Variants in PTPRM observed in about 807,000 individuals in gnomAD.
The protein encoded by PTPRM is protein tyrosine phosphatase receptor type M, also known as receptor-type tyrosine-protein phosphatase mu.
Under a neutral mutation model 186.7 loss-of-function variants are expected in PTPRM, and 47 were observed. The observed-to-expected ratio is 0.25, with a 90% CI of 0.20 to 0.32. The LOEUF (loss-of-function observed/expected upper bound fraction) is 0.32. PTPRM is among the 10% of genes least tolerant of loss of function. PTPRM has a pLI of 1.00. For synonymous variants in PTPRM, 668 were observed against 674.9 expected (o/e 0.99, Z 0.16); for missense variants, 1,494 against 1,865.0 (o/e 0.80, Z 3.66).
At chr18:8,209,386 T>C (rs562224826) in intron 14 of PTPRM, among the ~76,000 whole-genome samples, 1 of 151,988 alleles carries the variant, frequency 6.6e-6, no homozygotes, top group South Asian at 2.1e-4. Context: ...TAGATTGAAG[T>C]GTCAAGAAAA....
chr18:8,081,332 GT>G (rs2090115770), intron 9 of PTPRM, among the ~76,000 whole-genome samples: 1 of 152,168 alleles, frequency 6.6e-6, no homozygotes, highest in South Asian at 2.1e-4. Flanking sequence ...TGAGATCTCA[GT>G]TTGCTTTTGA....
chr18:7,696,073 C>T (rs1004031399), intron 1 of PTPRM, among the ~76,000 whole-genome samples: 1 of 152,054 alleles, frequency 6.6e-6, no homozygotes, highest in Non-Finnish European at 1.5e-5. Flanking sequence ...TTAAGTGTCC[C>T]CAAAGATTGG....
chr18:8,348,155 C>T (rs981952685), intron 23 of PTPRM, among the ~76,000 whole-genome samples: 4 of 152,266 alleles, frequency 2.6e-5, no homozygotes, highest in South Asian at 2.1e-4. Context: ...ACATGTGTAC[C>T]GCACATAGTG....
intron 2 of PTPRM, among the ~76,000 whole-genome samples, chr18:7,843,522 C>T (rs961642027): frequency 6.6e-6 from 1 of 152,148 alleles, no homozygotes. Flanking sequence ...TACTCCCAGA[C>T]TACTAATATA....
chr18:8,181,196 T>A (rs2093568538), intron 14 of PTPRM, among the ~76,000 whole-genome samples: 2 of 152,234 alleles, frequency 1.3e-5, no homozygotes, highest in South Asian at 4.1e-4. Flanking sequence ...GAAAGCTATG[T>A]CAGATGTTTT....
chr18:7,655,839 A>T (rs1360584132), intron 1 of PTPRM, among the ~76,000 whole-genome samples: 9 of 152,182 alleles, frequency 5.9e-5, no homozygotes, highest in Admixed American at 5.2e-4. Flanking sequence ...GAAAAGGCAA[A>T]ACTATGTACA....
At chr18:8,350,044 C>T (rs1052712059) in intron 23 of PTPRM, among the ~76,000 whole-genome samples, 4 of 152,182 alleles carry the variant, frequency 2.6e-5, no homozygotes, top group Non-Finnish European at 4.4e-5. Flanking sequence ...CCTGTCGGGG[C>T]AAATCCTCTA....
chr18:8,377,354 A>G (rs2095703064), intron 26 of PTPRM: 1 of 152,238 alleles, frequency 6.6e-6, no homozygotes. Context: ...CATAAAAATA[A>G]CAGAAACTTT....
chr18:7,849,514 T>G (rs1446226938), intron 2 of PTPRM, among the ~76,000 whole-genome samples: 3 of 152,234 alleles, frequency 2.0e-5, no homozygotes, highest in Non-Finnish European at 1.5e-5. Flanking sequence ...AAGTGGGGAA[T>G]GAGGAGTAAA....
chr18:8,350,471 G>C (rs924579788), intron 23 of PTPRM, among the ~76,000 whole-genome samples: 3 of 152,134 alleles, frequency 2.0e-5, no homozygotes, highest in African/African-American at 7.2e-5. Context: ...TCTGAAGAGA[G>C]AGCACCTTCA....
chr18:7,795,606 G>T (rs377719013), intron 2 of PTPRM, among the ~76,000 whole-genome samples: 5 of 152,188 alleles, frequency 3.3e-5, no homozygotes, highest in African/African-American at 1.2e-4. Flanking sequence ...TGCATTGCAG[G>T]TCAAGTTACA....
chr18:8,104,547 C>A (rs977022250), intron 11 of PTPRM, among the ~76,000 whole-genome samples: 1 of 152,120 alleles, frequency 6.6e-6, no homozygotes, highest in Non-Finnish European at 1.5e-5. Context: ...TTGGCTCAAG[C>A]GATCCTCCCA....
chr18:7,991,634 C>T (rs2083274567), intron 7 of PTPRM, among the ~76,000 whole-genome samples: 1 of 152,116 alleles, frequency 6.6e-6, no homozygotes. Context: ...AGTAGCAACC[C>T]AATCTAGCAA....
At chr18:8,213,133 AC>A (rs557359137) in intron 14 of PTPRM, among the ~76,000 whole-genome samples, 134 of 152,348 alleles carry the variant, frequency 8.8e-4, no homozygotes, top group African/African-American at 3.2e-3. Context: ...TGAGTCATGA[AC>A]ATTTCATCAT....
intron 32 of PTPRM, among the ~76,000 whole-genome samples, chr18:8,399,349 G>C (rs185770927): frequency 5.1e-4 from 78 of 152,290 alleles, no homozygotes; most frequent in African/African-American, 1.8e-3. Flanking sequence ...GTTGGATGGC[G>C]ACGTAGCACC....
chr18:7,979,673 A>C (rs1184833148), intron 7 of PTPRM, among the ~76,000 whole-genome samples: 2 of 152,184 alleles, frequency 1.3e-5, no homozygotes, highest in Non-Finnish European at 2.9e-5. Context: ...AATGAAATAC[A>C]AAGTCGAAAA....
At chr18:8,108,701 C>T (rs1600616763) in intron 11 of PTPRM, among the ~76,000 whole-genome samples, 1 of 152,260 alleles carries the variant, frequency 6.6e-6, no homozygotes, top group East Asian at 1.9e-4. Context: ...CTTGTAAAGG[C>T]CTTAGAATTT....
chr18:7,781,706 C>A (rs2042862363), intron 2 of PTPRM, among the ~76,000 whole-genome samples: 1 of 152,070 alleles, frequency 6.6e-6, no homozygotes, highest in Non-Finnish European at 1.5e-5. Context: ...AGGTTATGGC[C>A]CCAGCATTTC....
At chr18:7,972,426 C>A (rs1599792026) in intron 7 of PTPRM, among the ~76,000 whole-genome samples, 1 of 84,030 alleles carries the variant, frequency 1.2e-5, no homozygotes, top group Non-Finnish European at 2.0e-5. Flanking sequence ...CTAACCTGCA[C>A]AATGTGCACA....
Sources: gnomAD v4.1 joint callset for allele counts (sites outside exome capture counted in the v4.1 genomes callset) on GRCh38, gnomAD v4.1.1 for gene constraint, MANE v1.5 for transcripts, NCBI Gene and HGNC (gene_info 2026-07-23, HGNC 2026-07-21) for gene names.